SHC2: variants seen among roughly 807,000 people sequenced by gnomAD.
SHC2 encodes the protein SHC adaptor protein 2, also known as SHC-transforming protein 2.
Under a neutral mutation model 60.6 loss-of-function variants are expected in SHC2, and 62 were observed. The observed-to-expected ratio is 1.02, with a 90% CI of 0.83 to 1.26. The LOEUF (loss-of-function observed/expected upper bound fraction) is 1.26, where lower values mean the gene tolerates loss of function less well. Ranked by LOEUF, SHC2 falls within the 50% of genes most tolerant of loss-of-function variation. SHC2 has a pLI of 0.00. For missense variants in SHC2, 873 were observed against 822.2 expected (o/e 1.06, Z -0.76); for synonymous variants, 375 against 372.4 (o/e 1.01, Z -0.08).
At chr19:459,452 G>A (rs1334254858) in intron 1 of SHC2, among the ~76,000 whole-genome samples, 2 of 141,030 alleles carry the variant, frequency 1.4e-5, no homozygotes, top group African/African-American at 2.8e-5. Context: ...CAGCGTAGGG[G>A]GAAGGACCCC....
At chr19:434,141 C>T (rs1169727319) in intron 8 of SHC2, among the ~76,000 whole-genome samples, 2 of 140,476 alleles carry the variant, frequency 1.4e-5, no homozygotes, top group East Asian at 2.2e-4. Context: ...GGGCAGATGG[C>T]GCTTCATCGT....
At chr19:437,380 G>C (rs116963788) in intron 4 of SHC2, among the ~76,000 whole-genome samples, 1 of 151,898 alleles carries the variant, frequency 6.6e-6, no homozygotes, top group Non-Finnish European at 1.5e-5. Context: ...GCTCGTCTGC[G>C]TGCTTGTTTG....
chr19:448,472 G>A (rs894390250), intron 1 of SHC2, among the ~76,000 whole-genome samples: 1 of 152,158 alleles, frequency 6.6e-6, no homozygotes, highest in African/African-American at 2.4e-5. Flanking sequence ...CCTCTTCTTA[G>A]AGGACACGAG....
At chr19:450,343 G>A (rs1246884394) in intron 1 of SHC2, among the ~76,000 whole-genome samples, 4 of 152,140 alleles carry the variant, frequency 2.6e-5, no homozygotes, top group Non-Finnish European at 5.9e-5. Flanking sequence ...TTTTATTGTG[G>A]TAAAACACAC....
intron 12 of SHC2, among the ~76,000 whole-genome samples, chr19:418,618 G>T (rs1019565410): frequency 4.6e-5 from 7 of 152,220 alleles, no homozygotes; most frequent in African/African-American, 1.7e-4. Context: ...AGGACACACA[G>T]CGTGGAATCC....
At chr19:419,079 T>C in intron 11 of SHC2, 23 bp from the exon 12 acceptor site, 1 of 1,558,202 alleles carries the variant, frequency 6.4e-7, no homozygotes, top group Admixed American at 1.8e-5. Flanking sequence ...GACCTCGGCA[T>C]CAGCTCCCGG....
Position 425,067 on chromosome 19 carries a change from A to G in SHC2, c.1309+30T>C. 1 of 1,357,946 alleles carries G rather than the reference A, an allele frequency of 7.4e-7. No individual in the cohort carries two copies. The highest frequency in any genetic ancestry group is 9.6e-7 in the Non-Finnish European group (1 of 1,046,112). 84.1% of individuals were successfully genotyped at this position (1,357,946 alleles called of 1,614,324 possible). Reference sequence around the variant, plus strand: ...CCATCAGACAACACGGCCACACGCGATGACGGCCGCCCCCCAGGCTGCCAC... The same window carrying G: ...CCATCAGACAACACGGCCACACGCGGTGACGGCCGCCCCCCAGGCTGCCAC... On this transcript the variant is annotated intron_variant, in intron 10 of 12. Coordinates refer to ENST00000264554, the MANE Select transcript of SHC2 (RefSeq NM_012435.3). The surrounding 1 kb of genome is among the most constrained non-coding windows in gnomAD (Gnocchi z 4.1).
chr19:418,490 G>A (rs976020608), intron 12 of SHC2, among the ~76,000 whole-genome samples: 4 of 152,358 alleles, frequency 2.6e-5, no homozygotes, highest in Admixed American at 6.5e-5. Context: ...CACACAAAAC[G>A]TGGTCCCCTC....
intron 4 of SHC2, among the ~76,000 whole-genome samples, chr19:437,280 CTG>C (rs1035415595): frequency 1.4e-5 from 2 of 145,942 alleles, no homozygotes; most frequent in African/African-American, 5.5e-5. Flanking sequence ...GCGTGCTCGT[CTG>C]TGTGCTCATC....
At chr19:430,311 T>C (rs1974548305) in intron 9 of SHC2, among the ~76,000 whole-genome samples, 1 of 151,256 alleles carries the variant, frequency 6.6e-6, no homozygotes, top group African/African-American at 2.4e-5. Context: ...CCTAATACCG[T>C]GTGGATGACG....
rs1266254776 is a variant in SHC2 at position 422,056 on chromosome 19, G to C, written c.1620+90C>G. 5.0e-5 allele frequency: 24 copies of C among 477,672 alleles called. No individual in the cohort carries two copies. The East Asian group carries it at 0.01, about 202-fold the overall frequency. 29.6% of individuals were successfully genotyped at this position (477,672 alleles called of 1,614,324 possible). Reference sequence around the variant, plus strand: ...CTTGAGACCCTCCCACCTGTGCCCAGCGAAGCCCCTGGATGCCCCGAGACC... The same window carrying C: ...CTTGAGACCCTCCCACCTGTGCCCACCGAAGCCCCTGGATGCCCCGAGACC... On this transcript the variant is annotated intron_variant, in intron 11 of 12. Coordinates refer to ENST00000264554, the MANE Select transcript of SHC2 (RefSeq NM_012435.3). The surrounding 1 kb of genome is among the most constrained non-coding windows in gnomAD (Gnocchi z 5.0).
In SHC2 at chr19:450,504, C is replaced by T. The variant is rs946631434; in HGVS notation, c.469-9572G>A. Among the ~76,000 whole-genome samples, 6 of 152,184 alleles carry T rather than the reference C, an allele frequency of 3.9e-5. No homozygotes were observed. In the South Asian group the frequency reaches 8.3e-4, roughly 21 times the overall value. ...CTGACCCCACAAAACACTTACTCCCCGTCCCCTCCCCAGCCCCATCCTACT... is the reference window on the plus strand; with the variant it reads ...CTGACCCCACAAAACACTTACTCCCTGTCCCCTCCCCAGCCCCATCCTACT... On this transcript the variant is annotated intron_variant, in intron 1 of 12. Coordinates refer to ENST00000264554, the MANE Select transcript of SHC2 (RefSeq NM_012435.3).
At chr19:434,240 C>CTGAGTGAGATCATGAG (rs1003364211) in intron 8 of SHC2, among the ~76,000 whole-genome samples, 3 of 3,218 alleles carry the variant, frequency 9.3e-4, no homozygotes, top group African/African-American at 4.7e-3. Context: ...GAGTGAGATC[C>CTGAGTGAGATCATGAG]TGAGTGAGAT....
chr19:442,932 T>TGGATGGGTGGGTGGATAGATGGAC, intron 1 of SHC2, among the ~76,000 whole-genome samples: 1 of 39,160 alleles, frequency 2.6e-5, no homozygotes, highest in South Asian at 1.5e-3. Flanking sequence ...GATGGGTGGA[T>TGGATGGGTGGGTGGATAGATGGAC]GGATGGGTGG....
At position 458,038 on chromosome 19, in the gene SHC2, CGGGGAGGCGGAAGCGGGTCTT is replaced by C. The variant is rs1402598125; in HGVS notation, c.468+2470_468+2490del. Among the ~76,000 whole-genome samples the C allele has an allele frequency of 3.4e-3, 408 of 118,302 alleles. 1 individual carries two copies. The highest frequency in any genetic ancestry group is 8.5e-3 in the South Asian group (32 of 3,776). The allele number at this position is 118,302 out of a possible 152,430, so 77.6% of individuals were successfully genotyped here. ...GTCTTGGGGAGGCGGAAGTAGGTTC[CGGGGAGGCGGAAGCGGGTCTT>C]GGGGAGGCGGAAGCGGGTCTTGGGG... is the stretch of plus-strand genomic sequence containing the variant. On this transcript the variant is annotated intron_variant, in intron 1 of 12. Coordinates refer to ENST00000264554, the MANE Select transcript of SHC2 (RefSeq NM_012435.3).
chr19:427,636 A>T (rs1319546593), intron 9 of SHC2, among the ~76,000 whole-genome samples: 2 of 84,124 alleles, frequency 2.4e-5, no homozygotes, highest in Admixed American at 2.5e-4. Flanking sequence ...AGGTAAGGGG[A>T]CAGGGGACGG....
chr19:430,788 C>T (rs144172069), intron 8 of SHC2, 41 bp from the exon 9 acceptor site: 122 of 1,592,620 alleles, frequency 7.7e-5, no homozygotes, highest in Admixed American at 1.0e-4. Context: ...TGTGTGCAAG[C>T]CCCTCTTCCT....
intron 9 of SHC2, among the ~76,000 whole-genome samples, chr19:428,490 T>C (rs1049989948): frequency 6.6e-6 from 1 of 152,212 alleles, no homozygotes; most frequent in African/African-American, 2.4e-5. Flanking sequence ...GAACCCCTGA[T>C]GTTTGCCCCA....
chr19:445,020 G>A lies in SHC2; in HGVS notation c.469-4088C>T, dbSNP rs573995011. Among the ~76,000 whole-genome samples the A allele has an allele frequency of 2.0e-4, 30 of 152,354 alleles. No homozygotes were observed. Among genetic ancestry groups the A allele is most frequent in the African/African-American group, 6.3e-4 (26 of 41,582 alleles). On this transcript the variant is annotated intron_variant, in intron 1 of 12. Coordinates refer to ENST00000264554, the MANE Select transcript of SHC2 (RefSeq NM_012435.3). This position sits in a 1 kb window ranked among gnomAD's most constrained non-coding sequence, Gnocchi z 4.4. Reference sequence around the variant, plus strand: ...AGGATCTGCACTGCTCCCCCTGCACGACGGGAAGAGGCGGGGACCTCAGCT... The same window carrying A: ...AGGATCTGCACTGCTCCCCCTGCACAACGGGAAGAGGCGGGGACCTCAGCT...
Sources: allele counts gnomAD v4.1 joint callset (sites outside exome capture counted in the v4.1 genomes callset), GRCh38; gene constraint gnomAD v4.1.1; non-coding constraint Gnocchi (gnomAD v3.1); transcripts MANE v1.5; gene names NCBI Gene and HGNC (gene_info 2026-07-23, HGNC 2026-07-21).